Variants in LRIG1 observed in about 807,000 individuals in gnomAD.
LRIG1 encodes the protein leucine-rich repeats and immunoglobulin-like domains protein 1.
In LRIG1, 48 loss-of-function variants were observed where a neutral mutation model predicts 99.2. The observed-to-expected ratio is 0.48, with a 90% CI of 0.38 to 0.62. The LOEUF is 0.62. LRIG1 is among the 20% of genes least tolerant of loss of function. The probability of loss-of-function intolerance (pLI) is 0.00; values close to 1 mark genes in which losing one functional copy is unlikely to be tolerated. For synonymous variants in LRIG1, 772 were observed against 596.1 expected, an observed-to-expected ratio of 1.29 and a Z score of -4.30; for missense variants, 1,646 against 1,434.4, an observed-to-expected ratio of 1.15 and a Z score of -2.38.
At chr3:66,418,243 C>T (rs994245580) in intron 3 of LRIG1, among the ~76,000 whole-genome samples, 1 of 152,144 alleles carries the variant, frequency 6.6e-6, no homozygotes, top group Non-Finnish European at 1.5e-5. Context: ...AGGCACGTGC[C>T]ACCACACCCA....
At chr3:66,389,664 C>T (rs943590745) in intron 12 of LRIG1, among the ~76,000 whole-genome samples, 7 of 152,066 alleles carry the variant, frequency 4.6e-5, no homozygotes, top group African/African-American at 1.7e-4. Flanking sequence ...TGGAGCGCCA[C>T]AAAACATAAA....
intron 3 of LRIG1, among the ~76,000 whole-genome samples, chr3:66,433,507 C>T (rs1703247383): frequency 6.6e-6 from 1 of 152,250 alleles, no homozygotes; most frequent in Non-Finnish European, 1.5e-5. Context: ...TGTTTCAGCA[C>T]TTGGCTGCAG....
intron 2 of LRIG1, among the ~76,000 whole-genome samples, chr3:66,456,572 TAAAAAAAAAA>T (rs35291779): frequency 4.1e-5 from 5 of 121,716 alleles, no homozygotes; most frequent in African/African-American, 1.6e-4. Flanking sequence ...GATCCTGTCT[TAAAAAAAAAA>T]AAAAAAAAAA....
rs1700989215 is a variant in LRIG1, at chr3:66,380,640, T to C, written c.2992A>G (p.Ser998Gly). Reference sequence around the variant, plus strand: ...GCCGTCAGCATTCTATCGTGGTTACTGGGGTAGAGCGACCCTTGGCACTCG... The same window carrying C: ...GCCGTCAGCATTCTATCGTGGTTACCGGGGTAGAGCGACCCTTGGCACTCG... ...CPECQGSLYP[S>G]NHDRMLTAVK... Residue 998 changes from serine (S) to glycine (G), a missense_variant, in exon 18 of 19, where the codon AGT becomes GGT. Physicochemically the swap from Ser to Gly is moderately conservative, Grantham distance 56 (BLOSUM62 0). Transcript: ENST00000273261. 1.2e-6 allele frequency: 2 copies of C among 1,614,128 alleles called. No homozygotes were observed. The highest frequency in any genetic ancestry group is 1.7e-6 in the Non-Finnish European group (2 of 1,180,056).
At chr3:66,390,147 G>C (rs1701558995) in intron 12 of LRIG1, among the ~76,000 whole-genome samples, 1 of 152,002 alleles carries the variant, frequency 6.6e-6, no homozygotes. Flanking sequence ...AGAAATGAAA[G>C]CCACCCAGAC....
At chr3:66,400,632 C>T (rs557575475) in intron 9 of LRIG1, among the ~76,000 whole-genome samples, 2 of 152,272 alleles carry the variant, frequency 1.3e-5, no homozygotes, top group South Asian at 4.2e-4. Flanking sequence ...CACCTAGCAT[C>T]GGGGAAGAGA....
chr3:66,471,219 G>A (rs1006877965), intron 1 of LRIG1, among the ~76,000 whole-genome samples: 4 of 152,198 alleles, frequency 2.6e-5, no homozygotes, highest in Non-Finnish European at 2.9e-5. Flanking sequence ...CAGAGGCTTG[G>A]AAATGGGGAG....
At chr3:66,449,677 T>TA (rs1364115929) in intron 3 of LRIG1, among the ~76,000 whole-genome samples, 1 of 152,178 alleles carries the variant, frequency 6.6e-6, no homozygotes, top group Non-Finnish European at 1.5e-5. Context: ...TGCATGGGGT[T>TA]AAAGGAGTGA....
chr3:66,405,544 G>A (rs1274845988), intron 8 of LRIG1, among the ~76,000 whole-genome samples: 1 of 152,198 alleles, frequency 6.6e-6, no homozygotes, highest in Non-Finnish European at 1.5e-5. Context: ...TCAAGGGAAG[G>A]GAGGTGGTGC....
chr3:66,487,725 T>C (rs549901654), intron 1 of LRIG1, among the ~76,000 whole-genome samples: 108 of 152,268 alleles, frequency 7.1e-4, no homozygotes, highest in African/African-American at 2.5e-3. Context: ...AGGGAGAGTG[T>C]GTGACACTGA....
intron 1 of LRIG1, among the ~76,000 whole-genome samples, chr3:66,470,067 T>C (rs1207625172): frequency 6.6e-6 from 1 of 152,226 alleles, no homozygotes; most frequent in Non-Finnish European, 1.5e-5. Flanking sequence ...TGAACAGTGT[T>C]GGTAGAAACC....
At chr3:66,465,276 C>T (rs1326571911) in intron 1 of LRIG1, among the ~76,000 whole-genome samples, 1 of 151,962 alleles carries the variant, frequency 6.6e-6, no homozygotes, top group Admixed American at 6.6e-5. Context: ...ACCACATTCT[C>T]CCCAGGAACT....
intron 3 of LRIG1, among the ~76,000 whole-genome samples, chr3:66,435,179 A>T (rs771864783): frequency 6.6e-6 from 1 of 152,232 alleles, no homozygotes; most frequent in Non-Finnish European, 1.5e-5. Context: ...GAAAAAAGCC[A>T]ATCCCAAAAG....
At chr3:66,423,447 T>C (rs535262808) in intron 3 of LRIG1, among the ~76,000 whole-genome samples, 1 of 152,276 alleles carries the variant, frequency 6.6e-6, no homozygotes, top group East Asian at 1.9e-4. Flanking sequence ...GGCGCATGCC[T>C]GTAATCCCAG....
chr3:66,441,032 C>G (rs569764846), intron 3 of LRIG1, among the ~76,000 whole-genome samples: 70 of 152,202 alleles, frequency 4.6e-4, no homozygotes, highest in Non-Finnish European at 6.6e-4. Flanking sequence ...GAAAAGGAGC[C>G]CTGCTATTTA....
chr3:66,440,401 A>G (rs907554154), intron 3 of LRIG1, among the ~76,000 whole-genome samples: 9 of 152,160 alleles, frequency 5.9e-5, no homozygotes, highest in African/African-American at 2.2e-4. Context: ...AGAAGATGAC[A>G]AGAGAGGAGA....
At chr3:66,467,377 TTGA>T (rs1700497184) in intron 1 of LRIG1, among the ~76,000 whole-genome samples, 1 of 148,836 alleles carries the variant, frequency 6.7e-6, no homozygotes, top group African/African-American at 2.5e-5. Context: ...TTTTTTTTTT[TTGA>T]GATGGAGTCT....
intron 3 of LRIG1, among the ~76,000 whole-genome samples, chr3:66,442,932 C>G (rs991688329): frequency 6.6e-6 from 1 of 152,088 alleles, no homozygotes; most frequent in African/African-American, 2.4e-5. Flanking sequence ...AGATGTACCT[C>G]TCATCTGGCT....
At chr3:66,484,439 T>C (rs953284589) in intron 1 of LRIG1, among the ~76,000 whole-genome samples, 3 of 152,236 alleles carry the variant, frequency 2.0e-5, no homozygotes, top group South Asian at 4.1e-4. Flanking sequence ...CTTCTATACA[T>C]AGCACTGCAG....
Sources: gnomAD v4.1 joint callset for allele counts (sites outside exome capture counted in the v4.1 genomes callset) on GRCh38, gnomAD v4.1.1 for gene constraint, MANE v1.5 for transcripts, NCBI Gene and HGNC (gene_info 2026-07-23, HGNC 2026-07-21) for gene names.